The following ZFHX3 variants were observed in gnomAD, a reference collection of about 807,000 sequenced individuals.
The protein encoded by ZFHX3 is zinc finger homeobox 3.
ZFHX3 carries 42 observed loss-of-function variants against 279.1 expected under a neutral mutation model. The observed-to-expected ratio is 0.15, with a 90% CI of 0.12 to 0.19. The LOEUF (loss-of-function observed/expected upper bound fraction) is 0.19, where lower values mean the gene tolerates loss of function less well. ZFHX3 is among the 10% of genes least tolerant of loss of function. ZFHX3 has a pLI of 1.00. For missense variants in ZFHX3, 4,981 were observed against 4,754.0 expected (o/e 1.05, Z -1.40); for synonymous variants, 2,293 against 1,957.8 (o/e 1.17, Z -4.52).
chr16:72,931,455 A>T (rs75266380), intron 3 of ZFHX3, among the ~76,000 whole-genome samples: 5,766 of 129,216 alleles, frequency 0.045, 300 homozygotes, highest in African/African-American at 0.12. Context: ...ACACACACAC[A>T]CTCTTCAGCT....
At chr16:73,101,152 G>A (rs1461194025) in intron 7 of ZFHX3, among the ~76,000 whole-genome samples, 2 of 151,954 alleles carry the variant, frequency 1.3e-5, no homozygotes, top group Non-Finnish European at 2.9e-5. Flanking sequence ...CTTCACTTTC[G>A]ATTCCTCTCC....
chr16:73,005,101 A>G (rs960400836), intron 1 of ZFHX3, among the ~76,000 whole-genome samples: 8 of 152,226 alleles, frequency 5.3e-5, no homozygotes, highest in African/African-American at 1.7e-4. Context: ...CCTGTTACTT[A>G]AACTCCCTGA....
intron 1 of ZFHX3, among the ~76,000 whole-genome samples, chr16:72,965,120 C>T (rs958190894): frequency 1.3e-5 from 2 of 152,234 alleles, no homozygotes; most frequent in African/African-American, 4.8e-5. Flanking sequence ...CTCAGGCAAT[C>T]TGCCCGCCTC....
chr16:72,916,249 C>A (rs888135584), intron 3 of ZFHX3, among the ~76,000 whole-genome samples: 1 of 152,078 alleles, frequency 6.6e-6, no homozygotes, highest in South Asian at 2.1e-4. Flanking sequence ...ACTGGGAGAT[C>A]AGGGACTATT....
chr16:73,412,876 C>T (rs985162098), intron 3 of ZFHX3, among the ~76,000 whole-genome samples: 1 of 152,138 alleles, frequency 6.6e-6, no homozygotes, highest in Admixed American at 6.5e-5. Flanking sequence ...TTTCTTAGGG[C>T]AAGATCTATA....
At chr16:73,830,675 A>G (rs528437614) in intron 1 of ZFHX3, among the ~76,000 whole-genome samples, 1 of 152,362 alleles carries the variant, frequency 6.6e-6, no homozygotes, top group South Asian at 2.1e-4. Flanking sequence ...ACAAATTGTC[A>G]ACATCAACAA....
At chr16:73,360,619 A>T (rs1325400308) in intron 3 of ZFHX3, among the ~76,000 whole-genome samples, 1 of 152,234 alleles carries the variant, frequency 6.6e-6, no homozygotes, top group Non-Finnish European at 1.5e-5. Flanking sequence ...GATTACAGGC[A>T]TGAGCCACCA....
intron 4 of ZFHX3, among the ~76,000 whole-genome samples, chr16:73,265,123 A>G (rs1042102179): frequency 6.7e-6 from 1 of 150,004 alleles, no homozygotes; most frequent in Admixed American, 6.7e-5. Context: ...ATAACAGTTT[A>G]TCTACTTGTT....
chr16:73,113,997 C>T (rs1002242829), intron 7 of ZFHX3, among the ~76,000 whole-genome samples: 7 of 151,816 alleles, frequency 4.6e-5, no homozygotes, highest in Non-Finnish European at 8.8e-5. Context: ...GGGGTTTCAC[C>T]ATGTTAGCCA....
chr16:73,545,183 G>A (rs1568141), intron 2 of ZFHX3, among the ~76,000 whole-genome samples: 2,936 of 152,194 alleles, frequency 0.019, 40 homozygotes, highest in Non-Finnish European at 0.029. Flanking sequence ...AAGCGTGGGA[G>A]GCAATCTCAG....
At chr16:73,143,511 T>G (rs182960521) in intron 6 of ZFHX3, among the ~76,000 whole-genome samples, 177 of 152,316 alleles carry the variant, frequency 1.2e-3, no homozygotes, top group Middle Eastern at 6.8e-3. Context: ...GCTGTTGTCT[T>G]GCAGCAAACC....
At chr16:72,940,413 C>T (rs1338107202) in intron 3 of ZFHX3, among the ~76,000 whole-genome samples, 2 of 152,116 alleles carry the variant, frequency 1.3e-5, no homozygotes, top group Admixed American at 6.5e-5. Context: ...GGGGTCTGAA[C>T]CCATGGGAGG....
intron 4 of ZFHX3, among the ~76,000 whole-genome samples, chr16:72,858,646 T>C (rs1053981450): frequency 6.6e-5 from 10 of 152,226 alleles, no homozygotes; most frequent in African/African-American, 2.4e-4. Context: ...TTAGCAACTT[T>C]CCGAATTTAT....
chr16:73,660,736 CAA>C (rs2052773894), intron 2 of ZFHX3, among the ~76,000 whole-genome samples: 2 of 152,020 alleles, frequency 1.3e-5, no homozygotes, highest in Non-Finnish European at 2.9e-5. Flanking sequence ...TCATCAAAAA[CAA>C]AATGTGACAG....
intron 2 of ZFHX3, among the ~76,000 whole-genome samples, chr16:73,654,094 G>C (rs1292929912): frequency 1.3e-5 from 2 of 150,624 alleles, no homozygotes; most frequent in East Asian, 3.9e-4. Context: ...TGAGGCAGGA[G>C]AATGGCATGA....
intron 5 of ZFHX3, among the ~76,000 whole-genome samples, chr16:72,827,834 G>A (rs1023127693): frequency 1.3e-5 from 2 of 152,178 alleles, no homozygotes; most frequent in Non-Finnish European, 1.5e-5. Flanking sequence ...GAAGGGGAAT[G>A]CTAAGCACAG....
intron 2 of ZFHX3, among the ~76,000 whole-genome samples, chr16:73,550,429 C>T (rs796409660): frequency 2.6e-5 from 4 of 152,182 alleles, no homozygotes; most frequent in African/African-American, 7.2e-5. Flanking sequence ...CAGTGTGAGG[C>T]TGGCCTTTGG....
intron 4 of ZFHX3, among the ~76,000 whole-genome samples, chr16:73,308,739 G>C (rs1032376225): frequency 2.6e-5 from 4 of 151,968 alleles, no homozygotes; most frequent in African/African-American, 9.7e-5. Flanking sequence ...AACCATTTTT[G>C]AGAAGACATA....
chr16:73,494,240 G>A (rs553260234), intron 2 of ZFHX3, among the ~76,000 whole-genome samples: 2 of 152,272 alleles, frequency 1.3e-5, no homozygotes, highest in African/African-American at 4.8e-5. Flanking sequence ...ACATCAATAC[G>A]GACGGAGCGG....
Sources: gnomAD v4.1 joint callset for allele counts (sites outside exome capture counted in the v4.1 genomes callset) on GRCh38, gnomAD v4.1.1 for gene constraint, MANE v1.5 for transcripts, NCBI Gene and HGNC (gene_info 2026-07-23, HGNC 2026-07-21) for gene names.